The following PPP2R2C variants were observed in gnomAD, a reference collection of about 807,000 sequenced individuals.
PPP2R2C encodes protein phosphatase 2 regulatory subunit Bgamma, also known as protein phosphatase 2, regulatory subunit B, gamma.
A neutral mutation model predicts 45.3 loss-of-function variants in PPP2R2C; 10 were observed. That is an observed-to-expected ratio of 0.22 (90% CI 0.14 to 0.37). The LOEUF (loss-of-function observed/expected upper bound fraction) is 0.37. Among genes scored for constraint, PPP2R2C ranks in the 10% least tolerant of loss-of-function variants. The pLI is 1.00. For missense variants in PPP2R2C, 308 were observed against 619.7 expected, an observed-to-expected ratio of 0.50 and a Z score of 5.34; for synonymous variants, 257 against 245.4, an observed-to-expected ratio of 1.05 and a Z score of -0.44.
rs992141195 is a variant in PPP2R2C at position 6,329,419 on chromosome 4, G to A, written c.961-66C>T. The A allele has an allele frequency of 1.3e-5, 18 of 1,402,272 alleles. No homozygotes were observed. The highest frequency in any genetic ancestry group is 5.1e-5 in the Admixed American group (3 of 58,468). 86.9% of individuals were successfully genotyped at this position (1,402,272 alleles called of 1,614,324 possible). A position where few individuals can be genotyped will look rare whatever the true frequency, so the allele number is the denominator to read the frequency against. ...GACCATCCTGGCCCTTCCACAAGAA[G>A]GGTCTCAAAGAGCAGCGAGGGTCTG... On this transcript the variant is annotated intron_variant, in intron 7 of 8. Transcript: ENST00000382599. This position sits in a 1 kb window ranked among gnomAD's most constrained non-coding sequence, Gnocchi z 5.8.
chr4:6,329,322 G>C lies in PPP2R2C; in HGVS notation c.992C>G (p.Ser331Cys), dbSNP rs1732211185. ...VHDYLRSKLC[S>C]LYENDCIFDK... ...GAAAATGCAGTCGTTCTCGTACAGG[G>C]AACAGAGCTTGCTCCGAAGGTAGTC... Residue 331 changes from serine (S) to cysteine (C), a missense_variant, in exon 8 of 9, where the codon TCC (serine) becomes TGC (cysteine). By Grantham distance (112) the Ser-to-Cys change is moderately radical (BLOSUM62 -1). Coordinates refer to ENST00000382599, the MANE Select transcript of PPP2R2C (RefSeq NM_020416.4). This position sits in a 1 kb window ranked among gnomAD's most constrained non-coding sequence, Gnocchi z 5.8. The C allele has an allele frequency of 1.2e-6, 2 of 1,614,080 alleles. No homozygotes were observed. The highest frequency in any genetic ancestry group is 1.3e-5 in the African/African-American group (1 of 74,946).
intron 2 of PPP2R2C, among the ~76,000 whole-genome samples, chr4:6,489,198 C>T (rs548304659): frequency 6.6e-6 from 1 of 152,302 alleles, no homozygotes; most frequent in South Asian, 2.1e-4. Flanking sequence ...CTTGGCCTCA[C>T]CTTGTTTATT....
At chr4:6,553,696 T>C (rs1264362161) in intron 1 of PPP2R2C, among the ~76,000 whole-genome samples, 3 of 152,210 alleles carry the variant, frequency 2.0e-5, no homozygotes, top group Admixed American at 2.0e-4. Context: ...TTTTCACCCA[T>C]GATCTGGGTC....
chr4:6,477,730 C>CA (rs5855918), intron 2 of PPP2R2C, among the ~76,000 whole-genome samples: 10,888 of 76,706 alleles, frequency 0.14, 923 homozygotes, highest in Middle Eastern at 0.2. Flanking sequence ...GACTCCGTCT[C>CA]AAAAAAAAAA....
intron 1 of PPP2R2C, among the ~76,000 whole-genome samples, chr4:6,390,582 C>A (rs1052444973): frequency 6.6e-6 from 1 of 152,196 alleles, no homozygotes; most frequent in Non-Finnish European, 1.5e-5. Context: ...CAAGTCTGGG[C>A]GGAGTCAGAC....
At chr4:6,549,460 G>C (rs1198682358) in intron 1 of PPP2R2C, among the ~76,000 whole-genome samples, 1 of 152,230 alleles carries the variant, frequency 6.6e-6, no homozygotes, top group African/African-American at 2.4e-5. Flanking sequence ...CAAAGATACA[G>C]GGAAGGGAGT....
intron 1 of PPP2R2C, among the ~76,000 whole-genome samples, chr4:6,441,754 G>A (rs1720164634): frequency 6.6e-6 from 1 of 152,144 alleles, no homozygotes; most frequent in African/African-American, 2.4e-5. Context: ...TAGAAAGGAG[G>A]GGATGGGGCC....
intron 2 of PPP2R2C, among the ~76,000 whole-genome samples, chr4:6,484,424 C>T (rs1321332612): frequency 6.6e-6 from 1 of 151,778 alleles, no homozygotes; most frequent in Non-Finnish European, 1.5e-5. Context: ...GTTAGTCCTC[C>T]AACTTCGTTC....
chr4:6,523,800 C>A (rs920464961), intron 2 of PPP2R2C, among the ~76,000 whole-genome samples: 3 of 152,206 alleles, frequency 2.0e-5, no homozygotes, highest in African/African-American at 7.2e-5. Context: ...AATGGCCAAA[C>A]AATGGAAACA....
chr4:6,352,158 C>T (rs1191386818), intron 5 of PPP2R2C, among the ~76,000 whole-genome samples: 1 of 152,160 alleles, frequency 6.6e-6, no homozygotes, highest in East Asian at 1.9e-4. Context: ...CACTCGGTGG[C>T]TTTAACTTAG....
chr4:6,369,212 C>T (rs1433792803), intron 5 of PPP2R2C, among the ~76,000 whole-genome samples: 10 of 152,216 alleles, frequency 6.6e-5, no homozygotes, highest in African/African-American at 2.4e-4. Context: ...CGATGTCGCT[C>T]CTCAGTCACC....
chr4:6,416,170 A>AAGCT (rs879439693), intron 1 of PPP2R2C, among the ~76,000 whole-genome samples: 44,231 of 151,940 alleles, frequency 0.29, 6,861 homozygotes, highest in East Asian at 0.61. Context: ...CAGCCTAACA[A>AAGCT]GGATAACAAC....
At chr4:6,422,280 G>A (rs577000011) in intron 1 of PPP2R2C, among the ~76,000 whole-genome samples, 4 of 152,282 alleles carry the variant, frequency 2.6e-5, no homozygotes, top group South Asian at 2.1e-4. Flanking sequence ...CAAGGCAGAC[G>A]GCGTGGCCTG....
chr4:6,381,909 C>G (rs1715827825), intron 1 of PPP2R2C: 3 of 1,589,290 alleles, frequency 1.9e-6, no homozygotes, highest in East Asian at 2.2e-5. Context: ...CCAACATTCT[C>G]AGGTTCTACG....
intron 5 of PPP2R2C, among the ~76,000 whole-genome samples, chr4:6,358,217 C>G (rs549272483): frequency 1.3e-5 from 2 of 152,136 alleles, no homozygotes; most frequent in East Asian, 3.9e-4. Context: ...ACAAACCTGA[C>G]AAAAACAAGA....
intron 6 of PPP2R2C, among the ~76,000 whole-genome samples, chr4:6,344,986 C>T (rs928489744): frequency 6.6e-6 from 1 of 152,206 alleles, no homozygotes; most frequent in East Asian, 1.9e-4. Context: ...TTTCCTAATA[C>T]TTCAAGGAGC....
intron 5 of PPP2R2C, among the ~76,000 whole-genome samples, chr4:6,357,486 G>T (rs749251420): frequency 1.3e-5 from 2 of 152,220 alleles, no homozygotes; most frequent in Non-Finnish European, 2.9e-5. Flanking sequence ...ACCAGCCAGA[G>T]GTGCTAGCTA....
intron 2 of PPP2R2C, among the ~76,000 whole-genome samples, chr4:6,494,663 G>T (rs1488333895): frequency 6.6e-6 from 1 of 152,202 alleles, no homozygotes; most frequent in African/African-American, 2.4e-5. Flanking sequence ...ACGCCGTCCA[G>T]GTGGGAGCCC....
In PPP2R2C at chr4:6,345,500, C is replaced by T. The variant is rs1278779330; in HGVS notation, c.790+2346G>A. Among the ~76,000 whole-genome samples the T allele has an allele frequency of 6.6e-6, 1 of 152,174 alleles. No homozygotes were observed. The highest frequency in any genetic ancestry group is 2.4e-5 in the African/African-American group (1 of 41,440). On this transcript the variant is annotated intron_variant, in intron 6 of 8. Coordinates refer to ENST00000382599, the MANE Select transcript of PPP2R2C (RefSeq NM_020416.4). This position sits in a 1 kb window ranked among gnomAD's most constrained non-coding sequence, Gnocchi z 5.3. The stretch of plus-strand genomic sequence containing the variant: ...CCTGGATCATTAGGGGTGGCAGGAA[C>T]AAGGCGATCACAAGGGCCTTTATAC...
Sources: allele counts gnomAD v4.1 joint callset (sites outside exome capture counted in the v4.1 genomes callset), GRCh38; gene constraint gnomAD v4.1.1; non-coding constraint Gnocchi (gnomAD v3.1); transcripts MANE v1.5; gene names NCBI Gene and HGNC (gene_info 2026-07-23, HGNC 2026-07-21).